Variants in SLC4A1AP observed in about 807,000 individuals in gnomAD.
SLC4A1AP encodes the protein kanadaptin.
Under a neutral mutation model 89.7 loss-of-function variants are expected in SLC4A1AP, and 64 were observed. That is an observed-to-expected ratio of 0.71 (90% CI 0.58 to 0.88). The LOEUF (loss-of-function observed/expected upper bound fraction) is 0.88. Among genes scored for constraint, SLC4A1AP ranks in the 40% least tolerant of loss-of-function variants. The probability of loss-of-function intolerance (pLI) is 0.00; values close to 1 mark genes in which losing one functional copy is unlikely to be tolerated. For synonymous variants in SLC4A1AP, 366 were observed against 353.3 expected (o/e 1.04, Z -0.40); for missense variants, 931 against 965.0 (o/e 0.96, Z 0.47).
chr2:27,665,247 A>G (rs1675295132), exon 2 of SLC4A1AP: 2 of 1,612,572 alleles, frequency 1.2e-6, no homozygotes, highest in Non-Finnish European at 1.7e-6. Flanking sequence ...TGAAAGGAAG[A>G]TAAATGCTGG....
chr2:27,665,213 TGAA>T (rs1265644527), exon 2 of SLC4A1AP: 1 of 1,613,690 alleles, frequency 6.2e-7, no homozygotes, highest in East Asian at 2.2e-5. Context: ...AAGACTCAGA[TGAA>T]GAAGAGGAAA....
At chr2:27,668,895 C>T (rs772160594) in exon 4 of SLC4A1AP, 2 of 1,613,718 alleles carry the variant, frequency 1.2e-6, no homozygotes, top group South Asian at 1.1e-5. Flanking sequence ...CTTGGCTCTG[C>T]AGGGTGAGGT....
At chr2:27,679,522 A>G (rs1189685228) in intron 8 of SLC4A1AP, among the ~76,000 whole-genome samples, 1 of 152,188 alleles carries the variant, frequency 6.6e-6, no homozygotes, top group African/African-American at 2.4e-5. Context: ...GAATGGCGTG[A>G]ACCAGGAAGG....
rs1034821019 is a variant in SLC4A1AP, at chr2:27,678,288, T to A, written c.1763+364T>A. Reference sequence around the variant, plus strand: ...GGCTGGGCGTAGTGGCTCATACCTGTAATCCTAGAACTTTGGGAGGTTGAA... The same window carrying A: ...GGCTGGGCGTAGTGGCTCATACCTGAAATCCTAGAACTTTGGGAGGTTGAA... On this transcript the variant is annotated intron_variant, in intron 8 of 13. Coordinates refer to ENST00000613058, the Ensembl canonical transcript of SLC4A1AP. Among the ~76,000 whole-genome samples, 6 of 152,190 alleles carry A rather than the reference T, an allele frequency of 3.9e-5. No individual in the cohort carries two copies. In the East Asian group the frequency reaches 1.2e-3, roughly 29 times the overall value.
intron 8 of SLC4A1AP, 46 bp from the exon 9 acceptor site, chr2:27,682,202 T>C (rs763067278): frequency 8.6e-6 from 11 of 1,285,416 alleles, no homozygotes; most frequent in Non-Finnish European, 1.2e-5. Flanking sequence ...AGATAAAACC[T>C]TGGGACTCCC....
At chr2:27,694,567 G>A in intron 13 of SLC4A1AP, 67 bp from the exon 14 acceptor site, 1 of 1,210,454 alleles carries the variant, frequency 8.3e-7, no homozygotes, top group Non-Finnish European at 1.1e-6. Flanking sequence ...ACTGATATCT[G>A]GATATCTTTT....
chr2:27,677,164 A>G (rs542957322), intron 6 of SLC4A1AP, 131 bp from the exon 7 acceptor site: 38 of 713,834 alleles, frequency 5.3e-5, no homozygotes, highest in African/African-American at 1.8e-4. Context: ...TGTTAACTCC[A>G]TAAGTAGCAG....
chr2:27,675,519 T>C lies in SLC4A1AP; in HGVS notation c.1346-13T>C. On this transcript the variant is annotated splice_polypyrimidine_tract_variant and intron_variant, in intron 5 of 13. Coordinates refer to ENST00000613058, the Ensembl canonical transcript of SLC4A1AP. The stretch of plus-strand genomic sequence containing the variant: ...TTAAAAACTTATTTATTCATCATTT[T>C]ATCTACCTCTAGTATCTCGGAAAAG... 2.0e-6 allele frequency: 3 copies of C among 1,528,064 alleles called. No individual in the cohort carries two copies. Among genetic ancestry groups the C allele is most frequent in the Non-Finnish European group, 2.6e-6 (3 of 1,135,362 alleles). The allele number at this position is 1,528,064 out of a possible 1,614,324, so 94.7% of individuals were successfully genotyped here.
chr2:27,669,105 C>A (rs536330520), intron 4 of SLC4A1AP, 143 bp from the exon 5 acceptor site: 2 of 1,071,260 alleles, frequency 1.9e-6, no homozygotes, highest in South Asian at 3.2e-5. Context: ...TATTTTAAAT[C>A]CAACATTGGA....
intron 12 of SLC4A1AP, 137 bp downstream of exon 12, chr2:27,688,904 G>T: frequency 1.7e-6 from 1 of 585,732 alleles, no homozygotes. Context: ...TAGATTCTTT[G>T]ATTTTTGTTT....
intron 5 of SLC4A1AP, among the ~76,000 whole-genome samples, chr2:27,670,346 T>A (rs1415836532): frequency 2.6e-5 from 4 of 152,028 alleles, no homozygotes; most frequent in African/African-American, 9.7e-5. Flanking sequence ...ATACATTAAT[T>A]GTGTATTTTG....
At chr2:27,671,744 A>C (rs190538829) in intron 5 of SLC4A1AP, among the ~76,000 whole-genome samples, 67 of 152,328 alleles carry the variant, frequency 4.4e-4, no homozygotes, top group African/African-American at 1.4e-3. Context: ...TAGCAGATTA[A>C]AAAGCTGGTA....
At chr2:27,675,115 ATT>A (rs1185832265) in intron 5 of SLC4A1AP, among the ~76,000 whole-genome samples, 1 of 152,258 alleles carries the variant, frequency 6.6e-6, no homozygotes, top group Non-Finnish European at 1.5e-5. Flanking sequence ...CATTTTAAGC[ATT>A]TTAAGAGTAT....
intron 6 of SLC4A1AP, 39 bp downstream of exon 6, chr2:27,675,731 GT>G: frequency 7.2e-7 from 1 of 1,385,840 alleles, no homozygotes; most frequent in Non-Finnish European, 9.7e-7. Context: ...GTATTTAATA[GT>G]TTAATTTTTA....
chr2:27,692,371 T>A (rs191237696), intron 12 of SLC4A1AP: 1 of 152,254 alleles, frequency 6.6e-6, no homozygotes, highest in African/African-American at 2.4e-5. Flanking sequence ...ATACTTGATA[T>A]GATTTCAATT....
chr2:27,680,719 G>A (rs561882322), intron 8 of SLC4A1AP, among the ~76,000 whole-genome samples: 1 of 151,770 alleles, frequency 6.6e-6, no homozygotes, highest in Admixed American at 6.6e-5. Context: ...GGAGAGTGAG[G>A]TTGCAAGACC....
intron 5 of SLC4A1AP, among the ~76,000 whole-genome samples, chr2:27,673,093 A>G (rs994348023): frequency 1.3e-5 from 2 of 152,136 alleles, no homozygotes; most frequent in African/African-American, 4.8e-5. Context: ...AGGGAGGAAG[A>G]TCTATTTCTC....
chr2:27,664,044 G>A, exon 1 of SLC4A1AP: 1 of 1,614,222 alleles, frequency 6.2e-7, no homozygotes, highest in Non-Finnish European at 8.5e-7. Context: ...TTCAAACCCT[G>A]AGGAGGTACA....
chr2:27,664,490 A>T (rs745786921), exon 1 of SLC4A1AP: 1 of 1,613,950 alleles, frequency 6.2e-7, no homozygotes. Context: ...TTCTCAACAA[A>T]ACTCGCATCC....
Sources: allele counts gnomAD v4.1 joint callset (sites outside exome capture counted in the v4.1 genomes callset), GRCh38; gene constraint gnomAD v4.1.1; transcripts MANE v1.5; gene names NCBI Gene and HGNC (gene_info 2026-07-23, HGNC 2026-07-21).